The following PLCH2 variants were observed in gnomAD, a reference collection of about 807,000 sequenced individuals.
PLCH2 encodes the protein phospholipase C eta 2, also known as 1-phosphatidylinositol 4,5-bisphosphate phosphodiesterase eta-2.
PLCH2 carries 98 observed loss-of-function variants against 134.7 expected under a neutral mutation model. That is an observed-to-expected ratio of 0.73 (90% CI 0.62 to 0.86). The LOEUF (loss-of-function observed/expected upper bound fraction) is 0.86. PLCH2 is among the 40% of genes least tolerant of loss of function. The pLI, the probability that PLCH2 is intolerant of heterozygous loss-of-function variation, is 0.00. For synonymous variants in PLCH2, 974 were observed against 827.5 expected, an observed-to-expected ratio of 1.18 and a Z score of -3.04; for missense variants, 1,994 against 1,986.6, an observed-to-expected ratio of 1.00 and a Z score of -0.07.
upstream of PLCH2, among the ~76,000 whole-genome samples, chr1:2,475,584 G>A (rs1189829275): frequency 6.6e-6 from 1 of 152,242 alleles, no homozygotes; most frequent in Non-Finnish European, 1.5e-5. Flanking sequence ...AGTGGGAGCT[G>A]AGACGGTGGG....
chr1:2,493,719 TG>T lies in PLCH2; in HGVS notation c.1660-1133del, dbSNP rs1570461392. Reference sequence around the variant, plus strand: ...ACAGGACTGAGAGGCCCGTCTGGCATGGGGCCTGCGGACGCGACGTGCCCTG... The same window carrying T: ...ACAGGACTGAGAGGCCCGTCTGGCATGGGCCTGCGGACGCGACGTGCCCTG... On this transcript the variant is annotated intron_variant, in intron 11 of 21. Coordinates refer to ENST00000378486, the MANE Select transcript of PLCH2 (RefSeq NM_014638.4). The T allele has an allele frequency of 3.9e-5, 6 of 152,560 alleles. 1 individual carries two copies. 9.5% of individuals were successfully genotyped at this position (152,560 alleles called of 1,614,324 possible).
At chr1:2,451,012 G>A (rs1283510810) in intron 2 of PLCH2, among the ~76,000 whole-genome samples, 1 of 151,968 alleles carries the variant, frequency 6.6e-6, no homozygotes, top group African/African-American at 2.4e-5. Context: ...AGGGATGTCG[G>A]CTCCCAGGAC....
At chr1:2,494,614 CCTGA>C (rs960622139) in intron 11 of PLCH2, 17 of 585,930 alleles carry the variant, frequency 2.9e-5, no homozygotes, top group Non-Finnish European at 2.4e-5. Flanking sequence ...TCCACCGGGG[CCTGA>C]CTTTCAGGCC....
chr1:2,476,010 G>A (rs907616445), upstream of PLCH2, among the ~76,000 whole-genome samples: 5 of 152,204 alleles, frequency 3.3e-5, no homozygotes, highest in African/African-American at 1.2e-4. Context: ...TGTGGTGGGC[G>A]CACAGCGGGG....
chr1:2,502,467 T>C (rs745839401), intron 21 of PLCH2, 58 bp downstream of exon 21: 1 of 1,486,400 alleles, frequency 6.7e-7, no homozygotes, highest in Non-Finnish European at 9.2e-7. Context: ...CCCCCGCGTG[T>C]CCTGGACGGC....
At chr1:2,486,817 A>C (rs1007148085) in intron 5 of PLCH2, 90 bp from the exon 6 acceptor site, 3 of 958,446 alleles carry the variant, frequency 3.1e-6, no homozygotes, top group African/African-American at 1.6e-5. Context: ...AATCAGAGAC[A>C]GGCAGGGGAC....
intron 1 of PLCH2, among the ~76,000 whole-genome samples, chr1:2,428,136 A>C (rs997224546): frequency 2.0e-5 from 3 of 152,202 alleles, no homozygotes; most frequent in Non-Finnish European, 4.4e-5. Context: ...GGCCCGGTCC[A>C]GCCTGGCCCC....
chr1:2,440,210 T>A (rs1216450484), intron 2 of PLCH2, among the ~76,000 whole-genome samples: 1 of 151,518 alleles, frequency 6.6e-6, no homozygotes, highest in Non-Finnish European at 1.5e-5. Context: ...ATGGGGTCTG[T>A]GGGTATGGCC....
rs1263561112 is a variant in PLCH2 at position 2,488,627 on chromosome 1, A to C, written c.1236-580A>C. On this transcript the variant is annotated intron_variant, in intron 8 of 21. Transcript: ENST00000378486. ...TGGTAAAAATCCAAGTAAAACATAC[A>C]CATGGTTAAAAATGAAGCTGAAAAG... Among the ~76,000 whole-genome samples the C allele has an allele frequency of 2.6e-5, 4 of 152,216 alleles. No individual in the cohort carries two copies. In the East Asian group the frequency reaches 5.8e-4, roughly 22 times the overall value.
Position 2,502,202 on chromosome 1 carries a change from C to T in PLCH2, c.2752C>T (p.Arg918Trp), listed in dbSNP as rs371705592. ...DSHAAGRPPA[R>W]PSVSQRILRR... ...TCATGCTGCTGGGCGGCCCCCGGCC[C>T]GGCCCTCCGTTAGCCAGCGGATCCT... Residue 918 changes from arginine (R) to tryptophan (W), a missense_variant, in exon 21 of 22, where the codon CGG becomes TGG. By Grantham distance (101) the Arg-to-Trp change is moderately radical. This residue lies in a region of PLCH2 where 900 missense variants were observed against 752.3 expected (regional missense o/e 1.20). Transcript: ENST00000378486. 88 of 1,537,432 alleles carry T rather than the reference C, an allele frequency of 5.7e-5. No homozygotes were observed. The highest frequency in any genetic ancestry group is 5.0e-4 in the Admixed American group (25 of 50,072).
chr1:2,478,523 C>A lies in PLCH2; in HGVS notation c.172C>A (p.Leu58Met). 6.2e-7 allele frequency: 1 copy of A among 1,612,894 alleles called. No homozygotes were observed. Among genetic ancestry groups the A allele is most frequent in the South Asian group, 1.1e-5 (1 of 91,090 alleles). The change falls in exon 2 of 22, where the codon CTG becomes ATG. Residue 58 changes from leucine (L) to methionine (M), a missense_variant. Leu to Met is a conservative substitution (Grantham distance 15, BLOSUM62 2). Coordinates refer to ENST00000378486, the MANE Select transcript of PLCH2 (RefSeq NM_014638.4). Reference protein sequence around the residue: ...AMQEGMQMVKLRGGSKGLVRF... With the variant: ...AMQEGMQMVKMRGGSKGLVRF... The stretch of plus-strand genomic sequence containing the variant: ...GCAAGAGGGGATGCAGATGGTGAAG[C>A]TGCGTGGCGGCTCCAAGGGCCTGGT...
At position 2,448,162 on chromosome 1, in the gene PLCH2, C is replaced by T. The variant is rs923174390; in HGVS notation, c.115+17533C>T. ...TGCCCTCCTGGAGCGCCAGGTGCCC[C>T]GGGTGTCTGGAGCACCACGACATGG... On this transcript the variant is annotated intron_variant, in intron 2 of 3. Transcript: ENST00000609981. The surrounding 1 kb of genome is among the most constrained non-coding windows in gnomAD (Gnocchi z 4.0). Among the ~76,000 whole-genome samples, 1 of 152,216 alleles carries T rather than the reference C, an allele frequency of 6.6e-6. No homozygotes were observed. Among genetic ancestry groups the T allele is most frequent in the Non-Finnish European group, 1.5e-5 (1 of 68,036 alleles).
chr1:2,472,395 C>T (rs1369167062), upstream of PLCH2, among the ~76,000 whole-genome samples: 7 of 152,330 alleles, frequency 4.6e-5, no homozygotes, highest in African/African-American at 1.7e-4. Context: ...GCATGCTGGG[C>T]CGGCCCTTGG....
rs767085652 is a variant in PLCH2, at chr1:2,495,582, G to GC, written c.1835+16dup. ...GGCCAGAGCCGAGGGTAGGTGCCCT[G>GC]CCCCACGGGGAGGCCCCGCACACTC... On this transcript the variant is annotated intron_variant, in intron 13 of 21. Transcript: ENST00000378486. The GC allele has an allele frequency of 3.3e-5, 50 of 1,533,626 alleles. No individual in the cohort carries two copies. In the African/African-American group the frequency reaches 6.6e-4, roughly 20 times the overall value.
intron 1 of PLCH2, among the ~76,000 whole-genome samples, chr1:2,426,217 T>C (rs1377129656): frequency 6.6e-6 from 1 of 152,206 alleles, no homozygotes; most frequent in East Asian, 1.9e-4. Flanking sequence ...GGACACCTCC[T>C]TTACATAAAA....
In PLCH2 at chr1:2,498,837, G is replaced by A; in HGVS notation, c.2434+9G>A. The A allele has an allele frequency of 6.2e-7, 1 of 1,600,122 alleles. No individual in the cohort carries two copies. Among genetic ancestry groups the A allele is most frequent in the Non-Finnish European group, 8.5e-7 (1 of 1,170,398 alleles). ...CGTGGTGGACGACAACGGTGAGGCT[G>A]GGCCGTGGCTCCGTCACACCTGTGA... On this transcript the variant is annotated intron_variant, in intron 18 of 21. Coordinates refer to ENST00000378486, the MANE Select transcript of PLCH2 (RefSeq NM_014638.4). The surrounding 1 kb of genome is among the most constrained non-coding windows in gnomAD (Gnocchi z 5.4).
upstream of PLCH2, among the ~76,000 whole-genome samples, chr1:2,464,405 C>G (rs1640960466): frequency 6.6e-6 from 1 of 152,238 alleles, no homozygotes; most frequent in Admixed American, 6.5e-5. Context: ...CTTATCTGGC[C>G]CCTGGGCATG....
At chr1:2,482,687 T>C (rs1159098880) in intron 4 of PLCH2, among the ~76,000 whole-genome samples, 3 of 152,116 alleles carry the variant, frequency 2.0e-5, no homozygotes, top group South Asian at 2.1e-4. Context: ...GACTGGTGAC[T>C]CCCCTGGCTC....
chr1:2,467,531 C>T (rs1641120432), exon 1 of PLCH2: 3 of 398,372 alleles, frequency 7.5e-6, no homozygotes, highest in Non-Finnish European at 4.4e-6. Context: ...TGCCCCTGCT[C>T]GGGCTGGGGC....
Sources: gnomAD v4.1 joint callset for allele counts (sites outside exome capture counted in the v4.1 genomes callset) on GRCh38, gnomAD v4.1.1 for gene constraint, gnomAD v4.1.1 regional missense constraint, Gnocchi (gnomAD v3.1) non-coding constraint, MANE v1.5 for transcripts, NCBI Gene and HGNC (gene_info 2026-07-23, HGNC 2026-07-21) for gene names.